APBB2: variants seen among roughly 807,000 people sequenced by gnomAD.
APBB2 encodes the protein amyloid beta precursor protein binding family B member 2, also known as Fe65-like 1.
In APBB2, 38 loss-of-function variants were observed where a neutral mutation model predicts 82.5. The ratio of observed to expected loss-of-function variants is 0.46; its 90% CI spans 0.36 to 0.60. APBB2 has a LOEUF of 0.60. APBB2 is among the 20% of genes least tolerant of loss of function. The probability of loss-of-function intolerance (pLI) is 0.00; values close to 1 mark genes in which losing one functional copy is unlikely to be tolerated. For missense variants in APBB2, 772 were observed against 972.3 expected, an observed-to-expected ratio of 0.79 and a Z score of 2.74; for synonymous variants, 341 against 368.2, an observed-to-expected ratio of 0.93 and a Z score of 0.85.
chr4:41,128,306 A>G (rs1754984854), intron 2 of APBB2, among the ~76,000 whole-genome samples: 1 of 152,314 alleles, frequency 6.6e-6, no homozygotes, highest in Admixed American at 6.5e-5. Context: ...GAACACTTCT[A>G]TGCCATTGAT....
intron 6 of APBB2, among the ~76,000 whole-genome samples, chr4:40,969,828 A>G (rs1295706771): frequency 1.3e-5 from 2 of 152,252 alleles, no homozygotes; most frequent in South Asian, 2.1e-4. Context: ...TTTCAACCCA[A>G]GGTTACCCAA....
At chr4:40,974,258 G>C (rs1796633162) in intron 6 of APBB2, among the ~76,000 whole-genome samples, 1 of 152,174 alleles carries the variant, frequency 6.6e-6, no homozygotes, top group Non-Finnish European at 1.5e-5. Flanking sequence ...CATAATGTCA[G>C]ACTTATAGGT....
intron 2 of APBB2, among the ~76,000 whole-genome samples, chr4:41,135,565 T>C (rs755509771): frequency 1.8e-4 from 28 of 152,220 alleles, no homozygotes; most frequent in Non-Finnish European, 3.4e-4. Context: ...AAATTAAACA[T>C]TTTATGCATC....
intron 10 of APBB2, among the ~76,000 whole-genome samples, chr4:40,895,835 A>G (rs1465497424): frequency 6.6e-6 from 1 of 152,064 alleles, no homozygotes; most frequent in African/African-American, 2.4e-5. Context: ...CCTCACCCCA[A>G]CCCTTTGAGG....
intron 6 of APBB2, among the ~76,000 whole-genome samples, chr4:40,946,630 C>T (rs1788525790): frequency 6.6e-6 from 1 of 151,792 alleles, no homozygotes; most frequent in African/African-American, 2.4e-5. Context: ...AATGAGACAT[C>T]CACCGAGATG....
At chr4:40,934,566 T>G (rs1340574120) in intron 9 of APBB2, 48 bp downstream of exon 9, 2 of 1,611,636 alleles carry the variant, frequency 1.2e-6, no homozygotes, top group Middle Eastern at 1.7e-4. Flanking sequence ...GCAAACTATC[T>G]GCACAAAGCC....
chr4:40,926,951 A>C (rs912385564), intron 10 of APBB2, among the ~76,000 whole-genome samples: 2 of 152,252 alleles, frequency 1.3e-5, no homozygotes, highest in African/African-American at 4.8e-5. Flanking sequence ...GCACACACAC[A>C]GTGAGTGTTC....
intron 5 of APBB2, among the ~76,000 whole-genome samples, chr4:41,015,618 T>C (rs1461654917): frequency 6.6e-6 from 1 of 152,216 alleles, no homozygotes; most frequent in Non-Finnish European, 1.5e-5. Context: ...CTAGAGTCCC[T>C]ATGCTTCCAG....
chr4:41,042,846 T>C (rs1722045203), intron 4 of APBB2, among the ~76,000 whole-genome samples: 1 of 152,312 alleles, frequency 6.6e-6, no homozygotes, highest in South Asian at 2.1e-4. Context: ...TGGCTATTGT[T>C]TAAGCCACTG....
chr4:41,210,470 T>C (rs988128024), intron 1 of APBB2, among the ~76,000 whole-genome samples: 3 of 152,198 alleles, frequency 2.0e-5, no homozygotes, highest in African/African-American at 7.2e-5. Context: ...CCCTTTATTA[T>C]GGAGAGTCTG....
intron 2 of APBB2, among the ~76,000 whole-genome samples, chr4:41,140,280 A>T (rs539177763): frequency 3.3e-5 from 5 of 152,228 alleles, no homozygotes; most frequent in African/African-American, 1.2e-4. Flanking sequence ...ACCATTACTA[A>T]CCTCTGAAAT....
At chr4:40,836,352 C>T (rs533494016) in intron 12 of APBB2, among the ~76,000 whole-genome samples, 117 of 152,258 alleles carry the variant, frequency 7.7e-4, no homozygotes, top group Non-Finnish European at 1.4e-3. Flanking sequence ...TAGTGTGCAC[C>T]TGTAATCCCA....
chr4:40,885,836 G>T (rs186662898), intron 12 of APBB2, among the ~76,000 whole-genome samples: 4 of 152,176 alleles, frequency 2.6e-5, no homozygotes, highest in South Asian at 2.1e-4. Flanking sequence ...CCTGGGAAAC[G>T]CTTTCTTGCA....
At chr4:41,019,812 G>A (rs1810980030) in intron 5 of APBB2, among the ~76,000 whole-genome samples, 1 of 152,156 alleles carries the variant, frequency 6.6e-6, no homozygotes, top group Non-Finnish European at 1.5e-5. Context: ...AAAAGGGGAA[G>A]GAGAGGGGAG....
chr4:40,928,632 T>TC (rs1281348306), intron 10 of APBB2, among the ~76,000 whole-genome samples: 2 of 151,208 alleles, frequency 1.3e-5, no homozygotes, highest in Non-Finnish European at 1.5e-5. Context: ...ATGCCTGTAA[T>TC]CCCAGCACTT....
intron 3 of APBB2, among the ~76,000 whole-genome samples, chr4:41,074,820 T>G (rs1735103721): frequency 1.3e-5 from 2 of 151,724 alleles, no homozygotes; most frequent in African/African-American, 4.8e-5. Flanking sequence ...CATATTATTG[T>G]TTTTTTTAAA....
intron 1 of APBB2, among the ~76,000 whole-genome samples, chr4:41,184,161 T>C (rs955447352): frequency 3.3e-5 from 5 of 152,038 alleles, no homozygotes; most frequent in Non-Finnish European, 7.4e-5. Flanking sequence ...GCTCAGGTGG[T>C]AATGAGAGCC....
chr4:41,049,878 G>A (rs1455695911), intron 4 of APBB2, among the ~76,000 whole-genome samples: 2 of 152,104 alleles, frequency 1.3e-5, no homozygotes, highest in African/African-American at 2.4e-5. Flanking sequence ...TGGATTAAGG[G>A]TGGTGCAAGA....
At chr4:41,192,530 C>A (rs1774750518) in intron 1 of APBB2, among the ~76,000 whole-genome samples, 1 of 151,860 alleles carries the variant, frequency 6.6e-6, no homozygotes, top group Non-Finnish European at 1.5e-5. Context: ...TGGTATTATA[C>A]CAGACACGGA....
Sources: allele counts gnomAD v4.1 joint callset (sites outside exome capture counted in the v4.1 genomes callset), GRCh38; gene constraint gnomAD v4.1.1; transcripts MANE v1.5; gene names NCBI Gene and HGNC (gene_info 2026-07-23, HGNC 2026-07-21).